The following MMP28 variants were observed in gnomAD, a reference collection of about 807,000 sequenced individuals.
MMP28 encodes matrix metalloproteinase-28.
MMP28 carries 55 observed loss-of-function variants against 60.5 expected under a neutral mutation model. The observed-to-expected ratio is 0.91, with a 90% CI of 0.73 to 1.14. MMP28 has a LOEUF of 1.14. MMP28 is among the 50% of genes most tolerant of loss of function. The probability of loss-of-function intolerance (pLI) is 0.00; values close to 1 mark genes in which losing one functional copy is unlikely to be tolerated. For missense variants in MMP28, 686 were observed against 738.3 expected (o/e 0.93, Z 0.82); for synonymous variants, 318 against 312.5 (o/e 1.02, Z -0.18).
Position 35,786,699 on chromosome 17 carries a change from C to CAAAAAAAAAAAAAAAAAAAAA in MMP28, c.112-7377_112-7376insTTTTTTTTTTTTTTTTTTTTT, listed in dbSNP as rs200165337. On this transcript the variant is annotated intron_variant, in intron 1 of 7. Transcript: ENST00000605424. Reference sequence around the variant, plus strand: ...GCCTCATAGTGAGATCCTGTCTCTACAAAAAAAAAAAAAAAAGATGAATGA... The same window carrying CAAAAAAAAAAAAAAAAAAAAA: ...GCCTCATAGTGAGATCCTGTCTCTACAAAAAAAAAAAAAAAAAAAAAAAAAAAAAAAAAAAAAGATGAATGA... Among the ~76,000 whole-genome samples the CAAAAAAAAAAAAAAAAAAAAA allele has an allele frequency of 2.4e-3, 173 of 71,024 alleles. 14 individuals are homozygous for CAAAAAAAAAAAAAAAAAAAAA. Among genetic ancestry groups the CAAAAAAAAAAAAAAAAAAAAA allele is most frequent in the African/African-American group, 9.9e-3 (156 of 15,728 alleles). The allele number at this position is 71,024 out of a possible 152,430, so 46.6% of individuals were successfully genotyped here.
chr17:35,769,499 G>C lies in MMP28; in HGVS notation c.850+568C>G, dbSNP rs906480806. ...CCTGGCTCTGCCCATGGCACTCTGA[G>C]GGAGACAGCCCTGGGCTGAGATAGA... On this transcript the variant is annotated intron_variant, in intron 5 of 7. Transcript: ENST00000605424. Among the ~76,000 whole-genome samples, 4 of 152,318 alleles carry C rather than the reference G, an allele frequency of 2.6e-5. No homozygotes were observed. The East Asian group carries it at 7.7e-4, about 29-fold the overall frequency.
intron 6 of MMP28, 136 bp from the exon 7 acceptor site, chr17:35,768,055 A>G: frequency 3.1e-6 from 4 of 1,294,260 alleles, no homozygotes. Flanking sequence ...GCAGAGGGGA[A>G]AGTGGGCAGG....
chr17:35,791,034 A>G (rs1174572995), intron 1 of MMP28, among the ~76,000 whole-genome samples: 2 of 151,716 alleles, frequency 1.3e-5, no homozygotes, highest in Admixed American at 1.3e-4. Flanking sequence ...CCAGCCACAA[A>G]TGTACTAATC....
intron 1 of MMP28, among the ~76,000 whole-genome samples, chr17:35,790,265 A>G (rs561778068): frequency 6.6e-6 from 1 of 151,796 alleles, no homozygotes; most frequent in East Asian, 1.9e-4. Flanking sequence ...AGGTTTCACC[A>G]TGTTGGTCAG....
rs1568173984 is a variant in MMP28 at position 35,779,050 on chromosome 17, G to T, written c.217C>A (p.Pro73Thr). The change falls in exon 3 of 8, where the codon CCT (proline) becomes ACT (threonine). Residue 73 changes from proline to threonine, a missense_variant. Pro to Thr is a conservative substitution (Grantham distance 38). Transcript: ENST00000605424. ...IRAFQWVSQL[P>T]VSGVLDRATL... ...GCGCGGTCCAACACGCCGCTGACAG[G>T]TAGCTGGGACACCCACTGAAACGCT... The T allele has an allele frequency of 1.2e-6, 2 of 1,614,026 alleles. No homozygotes were observed. The highest frequency in any genetic ancestry group is 2.2e-5 in the East Asian group (1 of 44,880).
rs2086229721 is a variant in MMP28, at chr17:35,773,404, C to T, written c.380G>A (p.Gly127Asp). The T allele has an allele frequency of 5.0e-6, 8 of 1,586,360 alleles. No homozygotes were observed. The highest frequency in any genetic ancestry group is 6.0e-6 in the Non-Finnish European group (7 of 1,165,916). The change falls in exon 4 of 8, where the codon GGT becomes GAT. Residue 127 changes from glycine (G) to aspartate (D), a missense_variant and splice_region_variant. Gly to Asp is a moderately conservative substitution (Grantham distance 94). Transcript: ENST00000605424. Reference sequence around the variant, plus strand: ...GAGGTGCTGCTTGTACCATTTGTTACCTGCCACCCAGAAAGCCCACGTCAG... The same window carrying T: ...GAGGTGCTGCTTGTACCATTTGTTATCTGCCACCCAGAAAGCCCACGTCAG... ...MRRKKRFAKQ[G>D]NKWYKQHLSY...
intron 1 of MMP28, among the ~76,000 whole-genome samples, chr17:35,788,078 T>A (rs1454416005): frequency 6.6e-6 from 1 of 151,508 alleles, no homozygotes; most frequent in South Asian, 2.1e-4. Context: ...GCTAATTTTT[T>A]AATTTTTGTA....
At chr17:35,758,300 G>C (rs1555600802) in intron 2 of MMP28, 1 of 152,200 alleles carries the variant, frequency 6.6e-6, no homozygotes, top group Admixed American at 6.5e-5. Flanking sequence ...GCAGACGTCT[G>C]AGTGCAGGAG....
chr17:35,772,195 C>T (rs753783473), intron 4 of MMP28, among the ~76,000 whole-genome samples: 2 of 152,112 alleles, frequency 1.3e-5, no homozygotes, highest in South Asian at 2.1e-4. Flanking sequence ...CACTGGGAGA[C>T]GGATGGGCAG....
chr17:35,765,717 G>C (rs2085920484), downstream of MMP28: 1 of 410,386 alleles, frequency 2.4e-6, no homozygotes, highest in African/African-American at 2.2e-5. Flanking sequence ...AGGAGAGGCA[G>C]GCCCCTTCTC....
chr17:35,776,614 C>A (rs529591694), intron 3 of MMP28, among the ~76,000 whole-genome samples: 1 of 152,136 alleles, frequency 6.6e-6, no homozygotes, highest in South Asian at 2.1e-4. Context: ...TGGCTGGGCA[C>A]GGTGGCTTGC....
At chr17:35,767,645 C>T (rs1568134328) in intron 7 of MMP28, 107 bp downstream of exon 7, 3 of 1,330,668 alleles carry the variant, frequency 2.3e-6, no homozygotes, top group East Asian at 2.5e-5. Flanking sequence ...GGAGACTCCA[C>T]CATGGACTCG....
At chr17:35,777,235 C>T (rs2086358896) in intron 3 of MMP28, among the ~76,000 whole-genome samples, 1 of 152,240 alleles carries the variant, frequency 6.6e-6, no homozygotes, top group Admixed American at 6.5e-5. Flanking sequence ...AGGGATGCTG[C>T]TCTCTGTTCT....
Position 35,766,441 on chromosome 17 carries a change from G to A in MMP28, c.*59C>T, listed in dbSNP as rs1056957720. ...CTTCTAAGAGGGGTTCTGCCCCGGG[G>A]GTGGGGAACATGATTTTGCCCTGAG... On this transcript the variant is annotated 3_prime_UTR_variant, in exon 8 of 8. Coordinates refer to ENST00000605424, the MANE Select transcript of MMP28 (RefSeq NM_024302.5). This position sits in a 1 kb window ranked among gnomAD's most constrained non-coding sequence, Gnocchi z 4.3. 8.1e-6 allele frequency: 12 copies of A among 1,487,224 alleles called. 1 individual carries two copies. The South Asian group carries it at 1.3e-4, about 16-fold the overall frequency. The allele number at this position is 1,487,224 out of a possible 1,614,324, so 92.1% of individuals were successfully genotyped here.
At chr17:35,779,387 G>A in intron 1 of MMP28, 64 bp from the exon 2 acceptor site, 1 of 1,369,010 alleles carries the variant, frequency 7.3e-7, no homozygotes, top group Non-Finnish European at 1.0e-6. Context: ...GTCCCCAAGG[G>A]CCCAGGGCAC....
downstream of MMP28, chr17:35,764,251 G>A (rs1555602197): frequency 8.4e-6 from 13 of 1,540,458 alleles, no homozygotes. Flanking sequence ...CGCTGCTGCG[G>A]CGCGCGGACA....
chr17:35,790,324 C>T (rs2086778373), intron 1 of MMP28, among the ~76,000 whole-genome samples: 1 of 152,090 alleles, frequency 6.6e-6, no homozygotes, highest in Admixed American at 6.5e-5. Flanking sequence ...CTTGGCCTCC[C>T]AAAGTGCTGG....
At chr17:35,771,030 G>A (rs989038538) in intron 4 of MMP28, among the ~76,000 whole-genome samples, 4 of 152,114 alleles carry the variant, frequency 2.6e-5, no homozygotes, top group Non-Finnish European at 5.9e-5. Context: ...TCCAGCCTGG[G>A]TGACAGAGTA....
downstream of MMP28, chr17:35,764,464 T>C: frequency 6.4e-7 from 1 of 1,559,316 alleles, no homozygotes; most frequent in South Asian, 1.2e-5. Flanking sequence ...GTGCTGGAGA[T>C]CCGGCGACGA....
Sources: gnomAD v4.1 joint callset for allele counts (sites outside exome capture counted in the v4.1 genomes callset) on GRCh38, gnomAD v4.1.1 for gene constraint, Gnocchi (gnomAD v3.1) non-coding constraint, MANE v1.5 for transcripts, NCBI Gene and HGNC (gene_info 2026-07-23, HGNC 2026-07-21) for gene names.